The following SNTB1 variants were observed in gnomAD, a reference collection of about 807,000 sequenced individuals.
SNTB1 encodes the protein syntrophin beta 1.
SNTB1 carries 36 observed loss-of-function variants against 48.9 expected under a neutral mutation model. The ratio of observed to expected loss-of-function variants is 0.74; its 90% CI spans 0.56 to 0.97. The LOEUF (loss-of-function observed/expected upper bound fraction) is 0.97. Ranked by LOEUF, SNTB1 falls within the 50% of genes least tolerant of loss-of-function variation. The pLI is 0.00. For synonymous variants in SNTB1, 299 were observed against 294.6 expected (o/e 1.01, Z -0.15); for missense variants, 786 against 703.4 (o/e 1.12, Z -1.33).
At chr8:120,730,051 C>T (rs750525071) in intron 1 of SNTB1, among the ~76,000 whole-genome samples, 1 of 152,242 alleles carries the variant, frequency 6.6e-6, no homozygotes, top group Non-Finnish European at 1.5e-5. Flanking sequence ...TGATGTCCCA[C>T]ACATAAATCT....
chr8:120,648,567 T>G (rs1163004502), intron 2 of SNTB1, among the ~76,000 whole-genome samples: 6 of 152,066 alleles, frequency 3.9e-5, no homozygotes, highest in Non-Finnish European at 7.4e-5. Flanking sequence ...CCTTTGAGGG[T>G]AACCCGACCT....
intron 2 of SNTB1, among the ~76,000 whole-genome samples, chr8:120,659,105 A>T (rs1817545689): frequency 6.6e-6 from 1 of 152,002 alleles, no homozygotes; most frequent in African/African-American, 2.4e-5. Flanking sequence ...CTGGGACTAT[A>T]GGCGCACGCC....
intron 3 of SNTB1, among the ~76,000 whole-genome samples, chr8:120,603,691 A>C (rs1489710463): frequency 6.6e-6 from 1 of 152,182 alleles, no homozygotes; most frequent in Non-Finnish European, 1.5e-5. Context: ...CACTGTGCCC[A>C]TATGCTTTCA....
intron 2 of SNTB1, among the ~76,000 whole-genome samples, chr8:120,672,332 T>C (rs932882707): frequency 2.6e-5 from 4 of 152,228 alleles, no homozygotes; most frequent in African/African-American, 9.6e-5. Flanking sequence ...TATTTTAAAG[T>C]GATACCCTAG....
chr8:120,600,858 T>A (rs1816410785), intron 3 of SNTB1, among the ~76,000 whole-genome samples: 1 of 151,634 alleles, frequency 6.6e-6, no homozygotes, highest in East Asian at 2.0e-4. Context: ...GGCAGGGCCA[T>A]CCTGGGAAAT....
At chr8:120,582,418 GA>G (rs1816062923) in intron 3 of SNTB1, among the ~76,000 whole-genome samples, 1 of 151,898 alleles carries the variant, frequency 6.6e-6, no homozygotes, top group African/African-American at 2.4e-5. Flanking sequence ...CAGAAAATAG[GA>G]AATAATAAAG....
chr8:120,565,384 T>C (rs1815732270), intron 4 of SNTB1, among the ~76,000 whole-genome samples: 1 of 152,336 alleles, frequency 6.6e-6, no homozygotes, highest in Admixed American at 6.5e-5. Flanking sequence ...ATATTACTGA[T>C]GAAGGACTTG....
At chr8:120,659,717 G>T (rs1249047137) in intron 2 of SNTB1, among the ~76,000 whole-genome samples, 1 of 152,154 alleles carries the variant, frequency 6.6e-6, no homozygotes, top group Non-Finnish European at 1.5e-5. Context: ...AAATATATCT[G>T]CCTGTATCTA....
rs35604534 is a variant in SNTB1 at position 120,744,121 on chromosome 8, A to ATTTTTTTTTTTTTTTTTTTTTTTTTT, written c.572-50214_572-50213insAAAAAAAAAAAAAAAAAAAAAAAAAA. Among the ~76,000 whole-genome samples the ATTTTTTTTTTTTTTTTTTTTTTTTTT allele has an allele frequency of 1.8e-4, 25 of 136,130 alleles. 1 individual carries two copies. The highest frequency in any genetic ancestry group is 9.1e-4 in the East Asian group (4 of 4,374). 89.3% of individuals were successfully genotyped at this position (136,130 alleles called of 152,430 possible). A position where few individuals can be genotyped will look rare whatever the true frequency, so the allele number is the denominator to read the frequency against. On this transcript the variant is annotated intron_variant, in intron 1 of 6. Coordinates refer to ENST00000517992, the MANE Select transcript of SNTB1 (RefSeq NM_021021.4). ...CTCAAGCCTGGGTGACCCTGTCTCA[A>ATTTTTTTTTTTTTTTTTTTTTTTTTT]TTTTTTTTTTTTTTTGCAAGGGAAT... is the stretch of plus-strand genomic sequence containing the variant.
intron 1 of SNTB1, among the ~76,000 whole-genome samples, chr8:120,772,902 AAC>A (rs1195692561): frequency 1.2e-4 from 19 of 152,154 alleles, no homozygotes; most frequent in Admixed American, 1.2e-3. Context: ...CCGACCAGGT[AAC>A]ACACTATTCA....
At chr8:120,734,762 A>G (rs1189161604) in intron 1 of SNTB1, among the ~76,000 whole-genome samples, 2 of 152,232 alleles carry the variant, frequency 1.3e-5, no homozygotes, top group Admixed American at 1.3e-4. Context: ...AAATTGCAGC[A>G]TCTATGTCAT....
chr8:120,604,339 C>T (rs576352789), intron 3 of SNTB1, among the ~76,000 whole-genome samples: 5 of 152,226 alleles, frequency 3.3e-5, no homozygotes, highest in Non-Finnish European at 5.9e-5. Context: ...AATGTCATTT[C>T]GGGTTCCACA....
chr8:120,731,471 C>T (rs1587121071), intron 1 of SNTB1, among the ~76,000 whole-genome samples: 1 of 152,184 alleles, frequency 6.6e-6, no homozygotes, highest in Non-Finnish European at 1.5e-5. Context: ...ACAATATCAC[C>T]TCTCTGGGTC....
At chr8:120,544,433 C>T (rs1433011255) in intron 5 of SNTB1, among the ~76,000 whole-genome samples, 5 of 152,168 alleles carry the variant, frequency 3.3e-5, no homozygotes, top group African/African-American at 9.7e-5. Context: ...AGACCTCTTT[C>T]CCCAACTCTC....
intron 2 of SNTB1, among the ~76,000 whole-genome samples, chr8:120,676,786 T>A (rs1817844313): frequency 6.6e-6 from 1 of 152,170 alleles, no homozygotes; most frequent in Admixed American, 6.5e-5. Context: ...CTGGGCATGG[T>A]GGCTCACATC....
chr8:120,729,559 G>A (rs1202074903), intron 1 of SNTB1, among the ~76,000 whole-genome samples: 2 of 152,122 alleles, frequency 1.3e-5, no homozygotes, highest in African/African-American at 4.8e-5. Context: ...TGAGAGTTTT[G>A]GTACTTGTTG....
chr8:120,787,432 C>G (rs1384589696), intron 1 of SNTB1, among the ~76,000 whole-genome samples: 1 of 151,524 alleles, frequency 6.6e-6, no homozygotes, highest in East Asian at 1.9e-4. Flanking sequence ...TATTAAGTCA[C>G]TAATGGAGAT....
intron 3 of SNTB1, among the ~76,000 whole-genome samples, chr8:120,625,925 T>G (rs918543922): frequency 5.3e-5 from 8 of 152,178 alleles, no homozygotes; most frequent in African/African-American, 1.9e-4. Context: ...CTTAGGTAAT[T>G]TTTTTAAGGC....
intron 1 of SNTB1, among the ~76,000 whole-genome samples, chr8:120,723,657 G>A (rs115607186): frequency 0.012 from 1,837 of 152,276 alleles, 33 homozygotes; most frequent in African/African-American, 0.042. Flanking sequence ...ATAGATAGGC[G>A]ACTGGGCCCA....
Sources: allele counts gnomAD v4.1 joint callset (sites outside exome capture counted in the v4.1 genomes callset), GRCh38; gene constraint gnomAD v4.1.1; transcripts MANE v1.5; gene names NCBI Gene and HGNC (gene_info 2026-07-23, HGNC 2026-07-21).